Variants in GRIA1 observed in about 807,000 individuals in gnomAD.
GRIA1 encodes the protein glutamate receptor 1.
GRIA1 carries 31 observed loss-of-function variants against 99.2 expected under a neutral mutation model. That is an observed-to-expected ratio of 0.31 (90% CI 0.23 to 0.42). The LOEUF (loss-of-function observed/expected upper bound fraction) is 0.42. GRIA1 is among the 10% of genes least tolerant of loss of function. GRIA1 has a pLI of 1.00. For missense variants in GRIA1, 782 were observed against 1,157.5 expected, an observed-to-expected ratio of 0.68 and a Z score of 4.71; for synonymous variants, 438 against 432.4, an observed-to-expected ratio of 1.01 and a Z score of -0.16.
In GRIA1 at chr5:153,558,816, G is replaced by A. The variant is rs115207115; in HGVS notation, c.220+64751G>A. 2.2e-3 allele frequency among the ~76,000 whole-genome samples: 330 copies of A among 152,044 alleles called. 1 individual carries two copies. The highest frequency in any genetic ancestry group is 7.5e-3 in the African/African-American group (311 of 41,480). Reference sequence around the variant, plus strand: ...TAATGTATCTATAATTTTTTTTCTGGGAAGATAGTACACAGCTTTTGTCGG... The same window carrying A: ...TAATGTATCTATAATTTTTTTTCTGAGAAGATAGTACACAGCTTTTGTCGG... On this transcript the variant is annotated intron_variant, in intron 2 of 15. Coordinates refer to ENST00000285900, the MANE Select transcript of GRIA1 (RefSeq NM_000827.4).
At chr5:153,656,751 G>T (rs1402854511) in intron 5 of GRIA1, among the ~76,000 whole-genome samples, 1 of 152,002 alleles carries the variant, frequency 6.6e-6, no homozygotes, top group Non-Finnish European at 1.5e-5. Context: ...CAATTAAATG[G>T]TTTTCAATAT....
At chr5:153,544,278 C>G (rs1759410616) in intron 2 of GRIA1, among the ~76,000 whole-genome samples, 2 of 152,102 alleles carry the variant, frequency 1.3e-5, no homozygotes, top group Non-Finnish European at 2.9e-5. Context: ...TGTGATGTCC[C>G]AGGGGAGATA....
intron 2 of GRIA1, among the ~76,000 whole-genome samples, chr5:153,641,210 A>T (rs1054855515): frequency 9.2e-5 from 14 of 152,220 alleles, no homozygotes; most frequent in Admixed American, 7.2e-4. Context: ...ATTATCTGCT[A>T]TTTACAATGA....
intron 4 of GRIA1, among the ~76,000 whole-genome samples, chr5:153,651,445 A>AT (rs1754569919): frequency 2.6e-5 from 4 of 151,920 alleles, no homozygotes; most frequent in South Asian, 2.1e-4. Context: ...AATTAGCAGG[A>AT]TTTTTTGTAG....
chr5:153,557,103 G>A (rs1041773806), intron 2 of GRIA1, among the ~76,000 whole-genome samples: 7 of 152,100 alleles, frequency 4.6e-5, no homozygotes, highest in East Asian at 1.9e-4. Context: ...CCTGTATAAG[G>A]CACTTACCAT....
intron 2 of GRIA1, among the ~76,000 whole-genome samples, chr5:153,569,241 G>T (rs930311653): frequency 4.6e-5 from 7 of 152,196 alleles, no homozygotes; most frequent in Non-Finnish European, 1.0e-4. Flanking sequence ...TGAAGTTGTG[G>T]AGTAATGCCC....
intron 12 of GRIA1, among the ~76,000 whole-genome samples, chr5:153,765,116 C>T (rs1207020615): frequency 2.0e-5 from 3 of 151,384 alleles, no homozygotes; most frequent in Non-Finnish European, 2.9e-5. Flanking sequence ...TTAAATGGTG[C>T]CAGGAGAGAG....
intron 2 of GRIA1, among the ~76,000 whole-genome samples, chr5:153,611,787 C>T (rs930318794): frequency 1.3e-5 from 2 of 152,220 alleles, no homozygotes; most frequent in Admixed American, 6.5e-5. Context: ...GGACAAAGTT[C>T]AGCCAAAGCT....
At chr5:153,573,765 G>C (rs1007916302) in intron 2 of GRIA1, among the ~76,000 whole-genome samples, 19 of 152,170 alleles carry the variant, frequency 1.2e-4, no homozygotes, top group Admixed American at 1.1e-3. Context: ...TAATGGAGGA[G>C]ACAGGTAACA....
At chr5:153,655,220 A>C (rs1016447690) in intron 4 of GRIA1, among the ~76,000 whole-genome samples, 10 of 152,164 alleles carry the variant, frequency 6.6e-5, no homozygotes, top group African/African-American at 2.4e-4. Context: ...TAAGTTGGGC[A>C]ATCCATTAAT....
intron 10 of GRIA1, among the ~76,000 whole-genome samples, chr5:153,702,458 T>C (rs1758595372): frequency 6.6e-6 from 1 of 152,238 alleles, no homozygotes; most frequent in Non-Finnish European, 1.5e-5. Context: ...GAATATTCAT[T>C]TATGCAGGGC....
Position 153,811,262 on chromosome 5 carries a change from G to T in GRIA1, c.*37G>T. The stretch of plus-strand genomic sequence containing the variant: ...GGAGACCCCTTGGGGAGCAGGCTCG[G>T]GCTCCCCAGCCCCATCCCAAACCCT... On this transcript the variant is annotated 3_prime_UTR_variant, in exon 16 of 16. Transcript: ENST00000285900. 1 of 1,520,822 alleles carries T rather than the reference G, an allele frequency of 6.6e-7. No individual in the cohort carries two copies. Among genetic ancestry groups the T allele is most frequent in the Non-Finnish European group, 9.1e-7 (1 of 1,096,294 alleles). The allele number at this position is 1,520,822 out of a possible 1,614,324, so 94.2% of individuals were successfully genotyped here.
Position 153,560,240 on chromosome 5 carries a change from TC to T in GRIA1, c.220+66176del, listed in dbSNP as rs527343649. Among the ~76,000 whole-genome samples the T allele has an allele frequency of 4.1e-3, 631 of 152,302 alleles. 1 individual carries two copies. The highest frequency in any genetic ancestry group is 0.015 in the African/African-American group (603 of 41,566). On this transcript the variant is annotated intron_variant, in intron 2 of 15. Transcript: ENST00000285900. ...CTGTTGGATTATTTTAGCTGAAATC[TC>T]ATAATGGCTTTTTATAGAATATTAA...
intron 2 of GRIA1, among the ~76,000 whole-genome samples, chr5:153,599,706 A>G (rs1036653367): frequency 6.6e-6 from 1 of 152,156 alleles, no homozygotes; most frequent in Non-Finnish European, 1.5e-5. Flanking sequence ...ACTGTACTCA[A>G]ATTATTTGAG....
intron 2 of GRIA1, among the ~76,000 whole-genome samples, chr5:153,524,464 G>A (rs1332041560): frequency 1.3e-5 from 2 of 152,036 alleles, no homozygotes; most frequent in Non-Finnish European, 2.9e-5. Flanking sequence ...AATCTTTCCT[G>A]GTAGGGCTTT....
chr5:153,625,635 T>G (rs991460110), intron 2 of GRIA1, among the ~76,000 whole-genome samples: 2 of 152,204 alleles, frequency 1.3e-5, no homozygotes, highest in African/African-American at 4.8e-5. Context: ...CAAATGATTA[T>G]AGGGTCCAAA....
At chr5:153,522,302 G>C (rs572010048) in intron 2 of GRIA1, among the ~76,000 whole-genome samples, 1 of 152,286 alleles carries the variant, frequency 6.6e-6, no homozygotes, top group Non-Finnish European at 1.5e-5. Context: ...ATCATGGCAT[G>C]TAAAGTTGTT....
chr5:153,586,029 A>G (rs1306547001), intron 2 of GRIA1, among the ~76,000 whole-genome samples: 1 of 152,098 alleles, frequency 6.6e-6, no homozygotes, highest in Non-Finnish European at 1.5e-5. Flanking sequence ...GACCTTTACT[A>G]TGGCTGATTC....
At chr5:153,713,246 G>C (rs1759446380) in intron 11 of GRIA1, among the ~76,000 whole-genome samples, 1 of 152,200 alleles carries the variant, frequency 6.6e-6, no homozygotes, top group Non-Finnish European at 1.5e-5. Flanking sequence ...GCCTTCTGCA[G>C]GCCAAGCCAG....
Sources: gnomAD v4.1 joint callset for allele counts (sites outside exome capture counted in the v4.1 genomes callset) on GRCh38, gnomAD v4.1.1 for gene constraint, MANE v1.5 for transcripts, NCBI Gene and HGNC (gene_info 2026-07-23, HGNC 2026-07-21) for gene names.